Variants in UBN2 observed in about 807,000 individuals in gnomAD.
UBN2 encodes ubinuclein 2.
In UBN2, 35 loss-of-function variants were observed where a neutral mutation model predicts 120.2. The ratio of observed to expected loss-of-function variants is 0.29; its 90% confidence interval spans 0.22 to 0.39. The LOEUF (loss-of-function observed/expected upper bound fraction) is 0.39, where lower values mean the gene tolerates loss of function less well. Ranked by LOEUF, UBN2 falls within the 10% of genes least tolerant of loss-of-function variation. UBN2 has a pLI of 1.00. For synonymous variants in UBN2, 661 were observed against 648.7 expected (o/e 1.02, Z -0.29); for missense variants, 1,693 against 1,663.2 (o/e 1.02, Z -0.31).
chr7:139,241,555 G>A (rs1796320106), intron 2 of UBN2, among the ~76,000 whole-genome samples: 2 of 152,172 alleles, frequency 1.3e-5, no homozygotes. Context: ...AGAAGGGTAA[G>A]GGTAGATTTG....
chr7:139,328,395 C>T, the UBN2 span, among the ~76,000 whole-genome samples: 6 of 152,216 alleles, frequency 3.9e-5, no homozygotes, highest in African/African-American at 9.6e-5. Flanking sequence ...TCACCTTCCA[C>T]GAGGCCCCTC....
the UBN2 span, among the ~76,000 whole-genome samples, chr7:139,325,883 G>T: frequency 1.3e-5 from 2 of 152,064 alleles, no homozygotes; most frequent in Non-Finnish European, 2.9e-5. Flanking sequence ...TGGAGGTAGG[G>T]TTTCTTTAGT....
At chr7:139,312,512 C>T (rs1166690098), downstream of UBN2, among the ~76,000 whole-genome samples, 4 of 152,158 alleles carry the variant, frequency 2.6e-5, no homozygotes, top group East Asian at 1.9e-4. Context: ...CTGTCAACTG[C>T]GTGTTGATCT....
rs536307263 is a variant in UBN2, at chr7:139,263,088, A to T, written c.1395+1347A>T. Among the ~76,000 whole-genome samples, 14 of 152,346 alleles carry T rather than the reference A, an allele frequency of 9.2e-5. 1 individual carries two copies. Among genetic ancestry groups the T allele is most frequent in the African/African-American group, 2.9e-4 (12 of 41,582 alleles). On this transcript the variant is annotated intron_variant, in intron 6 of 17. Transcript: ENST00000473989. ...AGACACATGGTAGGCAGTAACGTGT[A>T]TAGAAAATGAGACATCTCTTTCTGT...
In UBN2 at chr7:139,299,307, A is replaced by G. The variant is rs1223364372; in HGVS notation, c.*1471A>G. On this transcript the variant is annotated 3_prime_UTR_variant, in exon 18 of 18. Transcript: ENST00000473989. ...ATTTATAATGACACTAACCTAAAAA[A>G]AATAGACTGGTAGTGACAAGATTTA... 6.6e-6 allele frequency: 1 copy of G among 152,172 alleles called. No homozygotes were observed. The allele number at this position is 152,172 out of a possible 1,614,324, so 9.4% of individuals were successfully genotyped here. A position where few individuals can be genotyped will look rare whatever the true frequency, so the allele number is the denominator to read the frequency against.
intron 8 of UBN2, among the ~76,000 whole-genome samples, chr7:139,270,457 G>A (rs1797239226): frequency 6.6e-6 from 1 of 151,868 alleles, no homozygotes; most frequent in South Asian, 2.1e-4. Context: ...AGTAAAGATG[G>A]GGTTTCTCCA....
the UBN2 span, among the ~76,000 whole-genome samples, chr7:139,316,493 C>T: frequency 6.6e-6 from 1 of 152,150 alleles, no homozygotes; most frequent in Non-Finnish European, 1.5e-5. Flanking sequence ...CATGGCCGTG[C>T]ACGGTGGCTC....
chr7:139,315,340 G>A, the UBN2 span: 122 of 152,288 alleles, frequency 8.0e-4, no homozygotes, highest in African/African-American at 2.6e-3. Flanking sequence ...GCGCAGGGGT[G>A]GTGCTAATCT....
intron 15 of UBN2, among the ~76,000 whole-genome samples, chr7:139,286,154 C>T (rs1797779692): frequency 6.6e-6 from 1 of 152,202 alleles, no homozygotes; most frequent in African/African-American, 2.4e-5. Flanking sequence ...TCTTGAACTC[C>T]TGACCCCAGT....
In UBN2 at chr7:139,284,191, G is replaced by A; in HGVS notation, c.3286G>A (p.Ala1096Thr). Residue 1096 changes from alanine to threonine, a missense_variant, in exon 15 of 18, where the codon GCA becomes ACA. Ala to Thr is a moderately conservative substitution (Grantham distance 58). Transcript: ENST00000473989. Reference sequence around the variant, plus strand: ...ATCCCCAAGTAGTTCCAGTCCAAATGCACTAGTTGCCCAGGGTAGCCACTC... The same window carrying A: ...ATCCCCAAGTAGTTCCAGTCCAAATACACTAGTTGCCCAGGGTAGCCACTC... ...TVSPSSSSPN[A>T]LVAQGSHSST... The A allele has an allele frequency of 6.2e-7, 1 of 1,614,052 alleles. No individual in the cohort carries two copies. The highest frequency in any genetic ancestry group is 8.5e-7 in the Non-Finnish European group (1 of 1,180,008).
intron 3 of UBN2, among the ~76,000 whole-genome samples, chr7:139,256,999 G>A (rs1796781973): frequency 6.6e-6 from 1 of 152,142 alleles, no homozygotes; most frequent in South Asian, 2.1e-4. Flanking sequence ...CCTTGCCCAT[G>A]GCAATGAAGT....
At chr7:139,276,550 T>C (rs1797447473) in intron 12 of UBN2, 1 of 181,138 alleles carries the variant, frequency 5.5e-6, no homozygotes, top group African/African-American at 2.4e-5. Flanking sequence ...GAGTGTTTTA[T>C]TCCACAAAAT....
At chr7:139,289,184 T>G (rs1797873257) in intron 15 of UBN2, among the ~76,000 whole-genome samples, 1 of 152,098 alleles carries the variant, frequency 6.6e-6, no homozygotes, top group South Asian at 2.1e-4. Flanking sequence ...ATACCAACAT[T>G]GGAGTACCCC....
intron 12 of UBN2, among the ~76,000 whole-genome samples, 186 bp from the exon 13 acceptor site, chr7:139,279,132 A>G (rs185747729): frequency 2.4e-4 from 37 of 152,262 alleles, no homozygotes; most frequent in East Asian, 1.7e-3. Flanking sequence ...TGGCCTTTCA[A>G]TTAATCTGAA....
At chr7:139,257,183 T>C (rs1056857009) in intron 3 of UBN2, among the ~76,000 whole-genome samples, 2 of 152,182 alleles carry the variant, frequency 1.3e-5, no homozygotes, top group African/African-American at 2.4e-5. Flanking sequence ...TAGTGTTTGC[T>C]TTTTAGCCAT....
At chr7:139,324,843 C>T in the UBN2 span, among the ~76,000 whole-genome samples, 3 of 151,848 alleles carry the variant, frequency 2.0e-5, no homozygotes, top group Admixed American at 2.0e-4. Flanking sequence ...CAGTGGTGGA[C>T]GCCTGTAATG....
chr7:139,291,360 CAAAA>C (rs774759708), intron 15 of UBN2, among the ~76,000 whole-genome samples: 2 of 43,394 alleles, frequency 4.6e-5, no homozygotes, highest in Admixed American at 2.4e-4. Context: ...GACTCTGTCT[CAAAA>C]AAAAAAAAAA....
At position 139,293,920 on chromosome 7, in the gene UBN2, T is replaced by C; in HGVS notation, c.3933T>C (p.Ala1311=). 3 of 1,614,104 alleles carry C rather than the reference T, an allele frequency of 1.9e-6. No homozygotes were observed. Among genetic ancestry groups the C allele is most frequent in the Non-Finnish European group, 2.5e-6 (3 of 1,179,996 alleles). Reference sequence around the variant, plus strand: ...TAAAGGGTTTACAGCCAGGAGGAGCTCAGCATGCAGCAACGCTTTCCCACT... The same window carrying C: ...TAAAGGGTTTACAGCCAGGAGGAGCCCAGCATGCAGCAACGCTTTCCCACT... The part of the protein sequence containing the change: ...NLLKGLQPGG[A]QHAATLSHSP... Residue 1311 remains alanine (A), a synonymous_variant, in exon 17 of 18, where the codon GCT becomes GCC. Coordinates refer to ENST00000473989, the MANE Select transcript of UBN2 (RefSeq NM_173569.4).
At chr7:139,294,033 A>G in intron 17 of UBN2, 52 bp downstream of exon 17, 2 of 1,554,946 alleles carry the variant, frequency 1.3e-6, no homozygotes, top group Middle Eastern at 1.7e-4. Flanking sequence ...GCTTATAGAT[A>G]TGGATTATAC....
Sources: allele counts gnomAD v4.1 joint callset (sites outside exome capture counted in the v4.1 genomes callset), GRCh38; gene constraint gnomAD v4.1.1; transcripts MANE v1.5; gene names NCBI Gene and HGNC (gene_info 2026-07-23, HGNC 2026-07-21).